The following ESRRB variants were observed in gnomAD, a reference collection of about 807,000 sequenced individuals.
ESRRB encodes the protein estrogen related receptor beta.
In ESRRB, 16 loss-of-function variants were observed where a neutral mutation model predicts 46.0. The observed-to-expected ratio is 0.35, with a 90% CI of 0.24 to 0.53. The LOEUF is 0.53. Ranked by LOEUF, ESRRB falls within the 20% of genes least tolerant of loss-of-function variation. The probability of loss-of-function intolerance (pLI) is 0.93; values close to 1 mark genes in which losing one functional copy is unlikely to be tolerated. For missense variants in ESRRB, 488 were observed against 607.4 expected (o/e 0.80, Z 2.07); for synonymous variants, 246 against 259.6 (o/e 0.95, Z 0.50).
chr14:76,408,373 G>A lies in ESRRB; in HGVS notation c.51-30968G>A, dbSNP rs139251805. 1.5e-3 allele frequency among the ~76,000 whole-genome samples: 235 copies of A among 152,194 alleles called. 8 individuals are homozygous for A. The East Asian group carries it at 0.041, about 26-fold the overall frequency. On this transcript the variant is annotated intron_variant, in intron 1 of 6. Coordinates refer to ENST00000644823, the MANE Select transcript of ESRRB (RefSeq NM_001379180.1). ...GCAAAAGGGTCACTTGAGCCCAGGA[G>A]TTTGAGACCAGCCTAAGCAACATGG... is the stretch of plus-strand genomic sequence containing the variant.
intron 1 of ESRRB, among the ~76,000 whole-genome samples, chr14:76,423,351 C>T (rs964049252): frequency 6.6e-6 from 1 of 152,042 alleles, no homozygotes; most frequent in Non-Finnish European, 1.5e-5. Context: ...ACCATGTTGG[C>T]CAGGCTGGTC....
chr14:76,322,342 G>A (rs983854979), intron 1 of ESRRB, among the ~76,000 whole-genome samples: 11 of 152,150 alleles, frequency 7.2e-5, no homozygotes, highest in Non-Finnish European at 1.3e-4. Context: ...TGAGGAGCCG[G>A]GAACCATGTT....
rs979056788 is a variant in ESRRB, at chr14:76,396,823, C to T, written c.50+20372C>T. Among the ~76,000 whole-genome samples the T allele has an allele frequency of 2.0e-5, 3 of 152,218 alleles. No homozygotes were observed. The East Asian group carries it at 5.8e-4, about 29-fold the overall frequency. Reference sequence around the variant, plus strand: ...CAGCGCTGGCGGTAGATGCAGCAGCCAGGCTCGGCCTGGGTTGGCAAGGGT... The same window carrying T: ...CAGCGCTGGCGGTAGATGCAGCAGCTAGGCTCGGCCTGGGTTGGCAAGGGT... On this transcript the variant is annotated intron_variant, in intron 1 of 6. Transcript: ENST00000644823.
intron 6 of ESRRB, among the ~76,000 whole-genome samples, chr14:76,493,275 C>T (rs540198671): frequency 3.5e-3 from 531 of 152,304 alleles, no homozygotes; most frequent in African/African-American, 0.012. Flanking sequence ...GTGTCTCAGC[C>T]TTCCGAGTAG....
chr14:76,485,719 C>T (rs550972260), intron 5 of ESRRB, among the ~76,000 whole-genome samples: 272 of 151,164 alleles, frequency 1.8e-3, no homozygotes, highest in African/African-American at 6.4e-3. Flanking sequence ...TGGGGCCCAC[C>T]CTGGGGCCTG....
chr14:76,469,929 GTT>G (rs769935944), intron 3 of ESRRB, among the ~76,000 whole-genome samples: 6 of 78,752 alleles, frequency 7.6e-5, no homozygotes, highest in Non-Finnish European at 1.4e-4. Context: ...GTTTTTTGTT[GTT>G]TTTTTTTTTT....
At chr14:76,416,695 C>T (rs977769843) in intron 1 of ESRRB, among the ~76,000 whole-genome samples, 6 of 151,646 alleles carry the variant, frequency 4.0e-5, no homozygotes, top group Admixed American at 3.9e-4. Context: ...TCTCGAACTC[C>T]TGACCTCAGG....
intron 1 of ESRRB, among the ~76,000 whole-genome samples, chr14:76,354,226 C>A (rs12432988): frequency 0.26 from 20,281 of 78,442 alleles, 2,494 homozygotes; most frequent in Non-Finnish European, 0.34. Context: ...CTCTACCCGC[C>A]CCCCCCCCCA....
chr14:76,482,079 G>C lies in ESRRB; in HGVS notation c.641G>C (p.Ser214Thr). 1 of 1,614,240 alleles carries C rather than the reference G, an allele frequency of 6.2e-7. No homozygotes were observed. Among genetic ancestry groups the C allele is most frequent in the Non-Finnish European group, 8.5e-7 (1 of 1,180,034 alleles). Residue 214 changes from serine (S) to threonine (T), a missense_variant, in exon 4 of 7, where the codon AGC becomes ACC. Transcript: ENST00000644823. The surrounding 1 kb of genome is among the most constrained non-coding windows in gnomAD (Gnocchi z 4.3). ...TACAAGCGACGGCTGGACTCAGAGA[G>C]CAGCCCATACCTGAGCTTACAAATT... ...QKYKRRLDSE[S>T]SPYLSLQISP...
chr14:76,479,993 G>A (rs544968390), intron 3 of ESRRB, among the ~76,000 whole-genome samples: 12 of 152,238 alleles, frequency 7.9e-5, no homozygotes, highest in Admixed American at 2.6e-4. Flanking sequence ...TCAGCCACCC[G>A]AGTAGCTGGA....
In ESRRB at chr14:76,395,812, A is replaced by G. The variant is rs28526454; in HGVS notation, c.50+19361A>G. 4.0e-3 allele frequency among the ~76,000 whole-genome samples: 539 copies of G among 134,958 alleles called. 2 individuals are homozygous for G. The highest frequency in any genetic ancestry group is 0.014 in the African/African-American group (508 of 36,094). The allele number at this position is 134,958 out of a possible 152,430, so 88.5% of individuals were successfully genotyped here. A position where few individuals can be genotyped will look rare whatever the true frequency, so the allele number is the denominator to read the frequency against. On this transcript the variant is annotated intron_variant, in intron 1 of 6. Transcript: ENST00000644823. ...TATATTTTTCCACCTAATAAAGACT[A>G]AAAGTACCAAGATTATGATACTTGG...
At chr14:76,429,575 A>T (rs1887347169) in intron 1 of ESRRB, among the ~76,000 whole-genome samples, 1 of 151,958 alleles carries the variant, frequency 6.6e-6, no homozygotes, top group Non-Finnish European at 1.5e-5. Flanking sequence ...ACATGGAGAA[A>T]CCCCGTCTCT....
chr14:76,457,424 A>G (rs769629382), intron 2 of ESRRB, among the ~76,000 whole-genome samples: 2 of 151,684 alleles, frequency 1.3e-5, no homozygotes, highest in Non-Finnish European at 2.9e-5. Flanking sequence ...GCCCAACACA[A>G]ATTCATAAAC....
At chr14:76,435,550 C>T (rs1003914421) in intron 1 of ESRRB, among the ~76,000 whole-genome samples, 8 of 152,202 alleles carry the variant, frequency 5.3e-5, no homozygotes, top group Admixed American at 1.3e-4. Context: ...GGAAATGAGG[C>T]GGGGTGTGGT....
intron 1 of ESRRB, among the ~76,000 whole-genome samples, chr14:76,424,491 G>A (rs1362616364): frequency 2.6e-5 from 4 of 152,290 alleles, no homozygotes; most frequent in South Asian, 2.1e-4. Context: ...TAGAAGTGTC[G>A]TCCCCTTCGT....
At chr14:76,478,246 G>T (rs1323438715) in intron 3 of ESRRB, among the ~76,000 whole-genome samples, 2 of 152,166 alleles carry the variant, frequency 1.3e-5, no homozygotes, top group Non-Finnish European at 2.9e-5. Flanking sequence ...TGCTCTGGGA[G>T]CCCATGAAGA....
chr14:76,397,013 G>A (rs1033340465), intron 1 of ESRRB, among the ~76,000 whole-genome samples: 6 of 152,190 alleles, frequency 3.9e-5, no homozygotes, highest in African/African-American at 9.7e-5. Flanking sequence ...GCCCGGGCAC[G>A]GACTGACTCG....
intron 3 of ESRRB, among the ~76,000 whole-genome samples, chr14:76,466,708 C>T (rs899154924): frequency 1.1e-4 from 16 of 151,444 alleles, no homozygotes; most frequent in African/African-American, 3.4e-4. Context: ...GGTATTTTTG[C>T]CCGTGTAATT....
intron 1 of ESRRB, among the ~76,000 whole-genome samples, chr14:76,400,851 TG>T (rs1157729625): frequency 6.6e-6 from 1 of 152,232 alleles, no homozygotes; most frequent in East Asian, 1.9e-4. Context: ...ATTGGTGCTC[TG>T]CTCTTCTGCT....
Sources: gnomAD v4.1 joint callset for allele counts (sites outside exome capture counted in the v4.1 genomes callset) on GRCh38, gnomAD v4.1.1 for gene constraint, Gnocchi (gnomAD v3.1) non-coding constraint, MANE v1.5 for transcripts, NCBI Gene and HGNC (gene_info 2026-07-23, HGNC 2026-07-21) for gene names.